The following ERC1 variants were observed in gnomAD, a reference collection of about 807,000 sequenced individuals.
ERC1 encodes RAB6 interacting protein 2.
A neutral mutation model predicts 132.0 loss-of-function variants in ERC1; 56 were observed. The ratio of observed to expected loss-of-function variants is 0.42; its 90% confidence interval spans 0.34 to 0.53. The LOEUF (loss-of-function observed/expected upper bound fraction) is 0.53, where lower values mean the gene tolerates loss of function less well. ERC1 is among the 20% of genes least tolerant of loss of function. The pLI is 0.03. For synonymous variants in ERC1, 478 were observed against 476.1 expected (o/e 1.00, Z -0.05); for missense variants, 1,202 against 1,349.9 (o/e 0.89, Z 1.72).
intron 12 of ERC1, among the ~76,000 whole-genome samples, chr12:1,196,503 T>G (rs1487401911): frequency 6.6e-6 from 1 of 151,646 alleles, no homozygotes; most frequent in African/African-American, 2.4e-5. Context: ...GTAGGTTTTT[T>G]TTTTTTTTTT....
intron 2 of ERC1, among the ~76,000 whole-genome samples, chr12:1,051,380 C>T (rs1201754205): frequency 6.6e-6 from 1 of 151,962 alleles, no homozygotes; most frequent in Non-Finnish European, 1.5e-5. Flanking sequence ...ATACACTTAT[C>T]TCGGTATAAT....
chr12:1,168,137 T>G (rs940127653), intron 8 of ERC1, among the ~76,000 whole-genome samples: 10 of 152,104 alleles, frequency 6.6e-5, no homozygotes, highest in Non-Finnish European at 4.4e-5. Flanking sequence ...TTTATTTTTT[T>G]TGAGACAGGG....
intron 11 of ERC1, among the ~76,000 whole-genome samples, chr12:1,186,310 TG>T (rs1955089428): frequency 6.6e-6 from 1 of 152,248 alleles, no homozygotes; most frequent in Non-Finnish European, 1.5e-5. Flanking sequence ...TATGGGAATA[TG>T]ATTATCTGCA....
chr12:1,060,959 C>T (rs148794309), intron 2 of ERC1, among the ~76,000 whole-genome samples: 156 of 152,090 alleles, frequency 1.0e-3, no homozygotes, highest in East Asian at 2.9e-3. Context: ...ATCTCCTGAC[C>T]GCGTGATCCA....
intron 15 of ERC1, among the ~76,000 whole-genome samples, chr12:1,348,129 A>G (rs1484983961): frequency 6.6e-6 from 1 of 152,208 alleles, no homozygotes; most frequent in African/African-American, 2.4e-5. Flanking sequence ...GGTTGGTAGC[A>G]TTTGCTAATA....
intron 15 of ERC1, among the ~76,000 whole-genome samples, chr12:1,328,139 GTGTT>G (rs1181363081): frequency 7.2e-5 from 11 of 151,968 alleles, no homozygotes; most frequent in East Asian, 3.9e-4. Context: ...TTGTTTGTTT[GTGTT>G]TGTTTGTTTG....
At chr12:1,363,188 G>GTAC (rs895751358) in intron 15 of ERC1, among the ~76,000 whole-genome samples, 1 of 152,148 alleles carries the variant, frequency 6.6e-6, no homozygotes, top group African/African-American at 2.4e-5. Flanking sequence ...AATTTGGAAT[G>GTAC]TACAAACTTT....
intron 15 of ERC1, among the ~76,000 whole-genome samples, chr12:1,315,716 A>G (rs7970718): frequency 0.023 from 3,493 of 152,172 alleles, 132 homozygotes; most frequent in African/African-American, 0.08. Context: ...CACATTAGAG[A>G]GAGAGAAAGC....
chr12:1,025,516 G>A (rs1662909010), intron 1 of ERC1, among the ~76,000 whole-genome samples: 2 of 151,906 alleles, frequency 1.3e-5, no homozygotes, highest in African/African-American at 4.8e-5. Flanking sequence ...TTTTGCTTCT[G>A]GTTTTTTATT....
At chr12:1,055,341 G>A (rs183871064) in intron 2 of ERC1, among the ~76,000 whole-genome samples, 136 of 152,048 alleles carry the variant, frequency 8.9e-4, no homozygotes, top group Middle Eastern at 3.4e-3. Context: ...CACTACACCC[G>A]GCTAATTTTT....
Position 1,116,019 on chromosome 12 carries a change from A to G in ERC1, c.1555A>G (p.Ile519Val), listed in dbSNP as rs772802008. ...GACTGCTAAGGAGCAGAGGGCTGCC[A>G]TCCTGCAGACTGAGGTAGAAACAAT... ...SLTAKEQRAA[I>V]LQTEVDALRL... The change falls in exon 7 of 19, where the codon ATC becomes GTC. Residue 519 changes from isoleucine to valine, a missense_variant. Transcript: ENST00000360905. The G allele has an allele frequency of 5.6e-6, 9 of 1,611,812 alleles. No individual in the cohort carries two copies. The highest frequency in any genetic ancestry group is 7.6e-6 in the Non-Finnish European group (9 of 1,179,018).
At chr12:1,252,087 G>T (rs2076503755) in intron 13 of ERC1, among the ~76,000 whole-genome samples, 1 of 151,998 alleles carries the variant, frequency 6.6e-6, no homozygotes, top group African/African-American at 2.4e-5. Context: ...ATCAGATCTG[G>T]GTAATTAGGG....
chr12:1,315,259 C>A (rs900127056), intron 15 of ERC1, among the ~76,000 whole-genome samples: 1 of 152,118 alleles, frequency 6.6e-6, no homozygotes, highest in African/African-American at 2.4e-5. Flanking sequence ...TCAGGTGATC[C>A]ACCCACCTCG....
rs562419601 is a variant in ERC1, at chr12:1,263,291, A to G, written c.2619+126A>G. ...GGGTTTCAAAAACACTTCATAGAGG[A>G]GAAGTCCCAAGGAGTTCCTTCATAG... On this transcript the variant is annotated intron_variant, in intron 14 of 18. Coordinates refer to ENST00000360905, the MANE Select transcript of ERC1 (RefSeq NM_178040.4). 1.4e-5 allele frequency: 12 copies of G among 829,992 alleles called. No homozygotes were observed. In the Admixed American group the frequency reaches 2.2e-4, roughly 15 times the overall value. The allele number at this position is 829,992 out of a possible 1,614,324, so 51.4% of individuals were successfully genotyped here. A position where few individuals can be genotyped will look rare whatever the true frequency, so the allele number is the denominator to read the frequency against.
At chr12:1,356,400 T>C (rs59010136) in intron 15 of ERC1, among the ~76,000 whole-genome samples, 10,124 of 152,114 alleles carry the variant, frequency 0.067, 618 homozygotes, top group African/African-American at 0.15. Context: ...TGAGTTTATA[T>C]ATAATAAAAT....
At chr12:1,319,710 T>A (rs1200278144) in intron 15 of ERC1, among the ~76,000 whole-genome samples, 1 of 152,218 alleles carries the variant, frequency 6.6e-6, no homozygotes, top group Non-Finnish European at 1.5e-5. Flanking sequence ...GGTATCATTA[T>A]TGAAACAAAT....
chr12:1,299,751 A>G lies in ERC1; in HGVS notation c.2780+9739A>G, dbSNP rs190525019. Among the ~76,000 whole-genome samples, 42 of 152,296 alleles carry G rather than the reference A, an allele frequency of 2.8e-4. No individual in the cohort carries two copies. In the East Asian group the frequency reaches 7.5e-3, roughly 27 times the overall value. The stretch of plus-strand genomic sequence containing the variant: ...AAATTGATAGGTCCCTACCAAATGG[A>G]TCAAGGGAAACAGGAAGGCACATGA... On this transcript the variant is annotated intron_variant, in intron 15 of 18. Coordinates refer to ENST00000360905, the MANE Select transcript of ERC1 (RefSeq NM_178040.4).
At chr12:1,114,270 C>T (rs1345267138) in intron 6 of ERC1, among the ~76,000 whole-genome samples, 1 of 152,154 alleles carries the variant, frequency 6.6e-6, no homozygotes, top group African/African-American at 2.4e-5. Flanking sequence ...ATCCACCCGC[C>T]TCGGCCTTCC....
intron 12 of ERC1, among the ~76,000 whole-genome samples, chr12:1,192,646 A>C (rs1434271189): frequency 6.6e-6 from 1 of 152,096 alleles, no homozygotes; most frequent in Admixed American, 6.6e-5. Flanking sequence ...CCTTCATGCC[A>C]GGTTTCTGTC....
Sources: gnomAD v4.1 joint callset for allele counts (sites outside exome capture counted in the v4.1 genomes callset) on GRCh38, gnomAD v4.1.1 for gene constraint, MANE v1.5 for transcripts, NCBI Gene and HGNC (gene_info 2026-07-23, HGNC 2026-07-21) for gene names.